The following ATP8A2 variants were observed in gnomAD, a reference collection of about 807,000 sequenced individuals.
ATP8A2 encodes the protein phospholipid-transporting ATPase IB.
Under a neutral mutation model 165.6 loss-of-function variants are expected in ATP8A2, and 100 were observed. That is an observed-to-expected ratio of 0.60 (90% CI 0.51 to 0.71). The LOEUF is 0.71. Among genes scored for constraint, ATP8A2 ranks in the 30% least tolerant of loss-of-function variants. ATP8A2 has a pLI of 0.00. For synonymous variants in ATP8A2, 543 were observed against 548.8 expected, an observed-to-expected ratio of 0.99 and a Z score of 0.15; for missense variants, 1,227 against 1,479.5, an observed-to-expected ratio of 0.83 and a Z score of 2.80.
At chr13:25,616,330 T>C (rs9581408) in intron 24 of ATP8A2, among the ~76,000 whole-genome samples, 3,993 of 126,172 alleles carry the variant, frequency 0.032, 31 homozygotes, top group Non-Finnish European at 0.038. Context: ...TTCTTTCTTT[T>C]TTTTTTTTTT....
chr13:25,795,095 TA>T (rs1950472682), intron 27 of ATP8A2, among the ~76,000 whole-genome samples: 3 of 152,146 alleles, frequency 2.0e-5, no homozygotes, highest in African/African-American at 7.2e-5. Flanking sequence ...GGAAAAAAAC[TA>T]AAGCTTAGTC....
chr13:25,428,192 A>AT (rs1231167330), intron 1 of ATP8A2, among the ~76,000 whole-genome samples: 1 of 152,100 alleles, frequency 6.6e-6, no homozygotes, highest in Non-Finnish European at 1.5e-5. Flanking sequence ...TCAAAAAAAA[A>AT]AGTCTGTTAA....
At chr13:25,407,607 T>G (rs538288856) in intron 1 of ATP8A2, among the ~76,000 whole-genome samples, 6 of 152,244 alleles carry the variant, frequency 3.9e-5, no homozygotes, top group African/African-American at 1.4e-4. Context: ...GCTTGACAAG[T>G]AGGGATTATT....
At chr13:25,571,004 C>G in intron 17 of ATP8A2, 132 bp downstream of exon 17, 2 of 632,750 alleles carry the variant, frequency 3.2e-6, no homozygotes, top group South Asian at 4.3e-5. Context: ...CACCCTGTGG[C>G]CAGGCTGTGG....
At chr13:25,513,478 G>T (rs561837880) in intron 2 of ATP8A2, among the ~76,000 whole-genome samples, 178 of 151,790 alleles carry the variant, frequency 1.2e-3, no homozygotes, top group African/African-American at 4.2e-3. Flanking sequence ...CTCAGACTGG[G>T]CAGCCAGGCA....
At chr13:25,469,578 A>G (rs986425692) in intron 2 of ATP8A2, among the ~76,000 whole-genome samples, 2 of 152,154 alleles carry the variant, frequency 1.3e-5, no homozygotes, top group African/African-American at 4.8e-5. Flanking sequence ...GGTCCACGAC[A>G]ATTGTTAAGA....
At chr13:25,973,047 T>C (rs781468138) in intron 35 of ATP8A2, among the ~76,000 whole-genome samples, 7 of 151,990 alleles carry the variant, frequency 4.6e-5, no homozygotes, top group African/African-American at 1.7e-4. Context: ...TCATCCCAGT[T>C]GGTGGGAGTG....
intron 1 of ATP8A2, among the ~76,000 whole-genome samples, chr13:25,402,095 A>G (rs893904981): frequency 6.6e-6 from 1 of 152,094 alleles, no homozygotes; most frequent in African/African-American, 2.4e-5. Context: ...TCCACCAAGA[A>G]GACTCCTAAG....
At chr13:25,538,454 A>G (rs1209678238) in intron 7 of ATP8A2, among the ~76,000 whole-genome samples, 2 of 152,186 alleles carry the variant, frequency 1.3e-5, no homozygotes, top group African/African-American at 4.8e-5. Context: ...AGTGCTGCAC[A>G]TTGATAGCTG....
At chr13:25,594,040 A>G (rs906102504) in intron 24 of ATP8A2, among the ~76,000 whole-genome samples, 11 of 152,246 alleles carry the variant, frequency 7.2e-5, no homozygotes, top group Non-Finnish European at 1.5e-4. Flanking sequence ...ATTATAATTA[A>G]CCATAAACTT....
intron 33 of ATP8A2, among the ~76,000 whole-genome samples, chr13:25,880,370 G>T (rs944001023): frequency 2.3e-5 from 3 of 130,402 alleles, no homozygotes; most frequent in African/African-American, 9.4e-5. Context: ...TGTCCAGTCA[G>T]GAACAACAAA....
In ATP8A2 at chr13:25,524,659, G is replaced by A. The variant is rs1437293561; in HGVS notation, c.222-5340G>A. ...GAATAGGTAATCCTACTATTTTTTGGTTTTCACTTGCATGGAATATCTTTT... is the reference window on the plus strand; with the variant it reads ...GAATAGGTAATCCTACTATTTTTTGATTTTCACTTGCATGGAATATCTTTT... On this transcript the variant is annotated intron_variant, in intron 2 of 36. Transcript: ENST00000381655. Among the ~76,000 whole-genome samples, 6 of 151,768 alleles carry A rather than the reference G, an allele frequency of 4.0e-5. 1 individual carries two copies. The highest frequency in any genetic ancestry group is 1.5e-4 in the African/African-American group (6 of 41,336).
intron 23 of ATP8A2, among the ~76,000 whole-genome samples, chr13:25,588,141 A>G (rs922002832): frequency 2.6e-5 from 4 of 152,202 alleles, no homozygotes; most frequent in South Asian, 4.1e-4. Flanking sequence ...ATATTGCCTT[A>G]AAAAATTAAC....
intron 24 of ATP8A2, among the ~76,000 whole-genome samples, chr13:25,640,985 C>T (rs1287570075): frequency 6.6e-6 from 1 of 152,130 alleles, no homozygotes; most frequent in Non-Finnish European, 1.5e-5. Flanking sequence ...AGCATATAAA[C>T]AGAACCAAAG....
chr13:25,711,251 C>T (rs577133473), intron 25 of ATP8A2, among the ~76,000 whole-genome samples: 2 of 152,290 alleles, frequency 1.3e-5, no homozygotes, highest in Admixed American at 1.3e-4. Context: ...GACACCAGCC[C>T]TCCTCGGCCT....
At chr13:25,482,957 C>T (rs548284671) in intron 2 of ATP8A2, among the ~76,000 whole-genome samples, 6 of 152,288 alleles carry the variant, frequency 3.9e-5, no homozygotes, top group East Asian at 1.9e-4. Flanking sequence ...AGCGTGAAAA[C>T]GGACTAATAC....
At chr13:25,524,246 T>G (rs942209136) in intron 2 of ATP8A2, among the ~76,000 whole-genome samples, 1 of 152,212 alleles carries the variant, frequency 6.6e-6, no homozygotes, top group Non-Finnish European at 1.5e-5. Flanking sequence ...TTCTAACTTT[T>G]TGAATGTGCT....
intron 27 of ATP8A2, among the ~76,000 whole-genome samples, chr13:25,807,447 T>C (rs1361194331): frequency 6.6e-6 from 1 of 152,196 alleles, no homozygotes; most frequent in Non-Finnish European, 1.5e-5. Context: ...GACTATTCTT[T>C]TTCCTATTGA....
chr13:25,952,834 C>A (rs571403128), intron 33 of ATP8A2, among the ~76,000 whole-genome samples: 2 of 152,144 alleles, frequency 1.3e-5, no homozygotes, highest in African/African-American at 4.8e-5. Flanking sequence ...ACACAGCCAC[C>A]CTGAGCAAAT....
Sources: gnomAD v4.1 joint callset for allele counts (sites outside exome capture counted in the v4.1 genomes callset) on GRCh38, gnomAD v4.1.1 for gene constraint, MANE v1.5 for transcripts, NCBI Gene and HGNC (gene_info 2026-07-23, HGNC 2026-07-21) for gene names.